ANO3: variants seen among roughly 807,000 people sequenced by gnomAD.
The protein encoded by ANO3 is anoctamin 3.
In ANO3, 99 loss-of-function variants were observed where a neutral mutation model predicts 144.8. The observed-to-expected ratio is 0.68, with a 90% CI of 0.58 to 0.81. ANO3 has a LOEUF of 0.81. Among genes scored for constraint, ANO3 ranks in the 30% least tolerant of loss-of-function variants. ANO3 has a pLI of 0.00. For missense variants in ANO3, 905 were observed against 1,202.2 expected, an observed-to-expected ratio of 0.75 and a Z score of 3.66; for synonymous variants, 414 against 392.6, an observed-to-expected ratio of 1.05 and a Z score of -0.64.
At chr11:26,388,242 C>T (rs1450457093) in intron 1 of ANO3, among the ~76,000 whole-genome samples, 2 of 151,556 alleles carry the variant, frequency 1.3e-5, no homozygotes, top group Non-Finnish European at 2.9e-5. Context: ...TAACCAGAAT[C>T]TAGTAATACT....
At chr11:26,531,573 G>A (rs975987176) in intron 8 of ANO3, among the ~76,000 whole-genome samples, 1 of 152,078 alleles carries the variant, frequency 6.6e-6, no homozygotes, top group African/African-American at 2.4e-5. Flanking sequence ...CTATGGACTG[G>A]TAGTCTAGTT....
At chr11:26,501,110 T>C (rs1861178354) in intron 4 of ANO3, among the ~76,000 whole-genome samples, 1 of 152,038 alleles carries the variant, frequency 6.6e-6, no homozygotes, top group Non-Finnish European at 1.5e-5. Context: ...TAGGATAGGA[T>C]TAAGAAAAAC....
intron 4 of ANO3, among the ~76,000 whole-genome samples, chr11:26,483,356 A>T (rs114377498): frequency 0.01 from 1,595 of 152,262 alleles, 32 homozygotes; most frequent in African/African-American, 0.037. Context: ...CCCAAATCGC[A>T]TGTTGAAATG....
At chr11:26,223,990 G>T (rs1166539615) in intron 1 of ANO3, among the ~76,000 whole-genome samples, 1 of 152,134 alleles carries the variant, frequency 6.6e-6, no homozygotes, top group Admixed American at 6.5e-5. Context: ...ATTTGGAGGA[G>T]ACACACACCT....
At chr11:26,534,283 A>T (rs955312998) in intron 8 of ANO3, among the ~76,000 whole-genome samples, 173 bp from the exon 9 acceptor site, 1 of 152,208 alleles carries the variant, frequency 6.6e-6, no homozygotes, top group Non-Finnish European at 1.5e-5. Flanking sequence ...TGAACATTTG[A>T]TAATGCCTTG....
chr11:26,619,264 TC>T (rs1852345597), intron 17 of ANO3, among the ~76,000 whole-genome samples: 1 of 152,160 alleles, frequency 6.6e-6, no homozygotes, highest in African/African-American at 2.4e-5. Context: ...CTATACATTT[TC>T]TAAACATTTC....
chr11:26,419,772 T>A (rs1236390076), intron 1 of ANO3, among the ~76,000 whole-genome samples: 1 of 151,954 alleles, frequency 6.6e-6, no homozygotes, highest in African/African-American at 2.4e-5. Flanking sequence ...TTATTTGGGG[T>A]AGGGTATGTG....
intron 1 of ANO3, among the ~76,000 whole-genome samples, chr11:26,396,149 A>G (rs1330185307): frequency 2.0e-5 from 3 of 152,194 alleles, no homozygotes; most frequent in African/African-American, 7.2e-5. Context: ...GACACTTCTC[A>G]AAAGAAGACA....
intron 4 of ANO3, among the ~76,000 whole-genome samples, chr11:26,495,716 G>A (rs940510675): frequency 1.3e-4 from 20 of 152,164 alleles, no homozygotes; most frequent in African/African-American, 4.8e-4. Context: ...CTGGGTCATG[G>A]AAAGTAATTT....
At chr11:26,423,398 A>G (rs189791914) in intron 1 of ANO3, among the ~76,000 whole-genome samples, 71 of 148,846 alleles carry the variant, frequency 4.8e-4, no homozygotes, top group African/African-American at 1.5e-3. Context: ...AATGCCTGGC[A>G]TAGGGAAATA....
rs750021659 is a variant in ANO3, at chr11:26,508,273, T to C, written c.591+11T>C. ...ATGTTGGAGAAGGAGGTAGGTGCTT[T>C]ACTATTATTAGTTATGTGATAAAAT... is the stretch of plus-strand genomic sequence containing the variant. On this transcript the variant is annotated intron_variant, in intron 5 of 26. Coordinates refer to ENST00000256737, the MANE Select transcript of ANO3 (RefSeq NM_031418.4). 6.3e-7 allele frequency: 1 copy of C among 1,576,524 alleles called. No homozygotes were observed. The highest frequency in any genetic ancestry group is 1.2e-5 in the South Asian group (1 of 83,812).
At chr11:26,278,513 T>G (rs10834936) in intron 1 of ANO3, among the ~76,000 whole-genome samples, 1 of 151,912 alleles carries the variant, frequency 6.6e-6, no homozygotes, top group African/African-American at 2.4e-5. Flanking sequence ...TCCCTCAGAC[T>G]TTACTGTTTA....
chr11:26,532,533 T>C (rs1849400151), intron 8 of ANO3, among the ~76,000 whole-genome samples: 1 of 152,192 alleles, frequency 6.6e-6, no homozygotes, highest in African/African-American at 2.4e-5. Context: ...TTTCTTATTA[T>C]TTACTATGTG....
At chr11:26,315,211 CCTAT>C in intron 1 of ANO3, among the ~76,000 whole-genome samples, 1 of 152,074 alleles carries the variant, frequency 6.6e-6, no homozygotes, top group East Asian at 1.9e-4. Context: ...CCTATTATTT[CCTAT>C]CTAATTATCA....
intron 1 of ANO3, among the ~76,000 whole-genome samples, chr11:26,409,661 A>G (rs1243614888): frequency 6.6e-6 from 1 of 152,006 alleles, no homozygotes; most frequent in Non-Finnish European, 1.5e-5. Context: ...TCAAAATAGA[A>G]ATTACGATGA....
chr11:26,412,901 A>T (rs1857471590), intron 1 of ANO3, among the ~76,000 whole-genome samples: 1 of 150,846 alleles, frequency 6.6e-6, no homozygotes, highest in East Asian at 2.0e-4. Flanking sequence ...TTTACTGTGA[A>T]TTGAATACCT....
At chr11:26,523,365 C>T (rs1043832109) in intron 6 of ANO3, among the ~76,000 whole-genome samples, 2 of 152,168 alleles carry the variant, frequency 1.3e-5, no homozygotes, top group Non-Finnish European at 2.9e-5. Flanking sequence ...AGAAATAAAA[C>T]CTCTCATATC....
intron 4 of ANO3, among the ~76,000 whole-genome samples, chr11:26,484,980 G>A (rs183073629): frequency 8.5e-5 from 13 of 152,322 alleles, no homozygotes; most frequent in African/African-American, 2.9e-4. Context: ...TTTGGAATGG[G>A]TGTGTTTACC....
intron 1 of ANO3, among the ~76,000 whole-genome samples, chr11:26,311,215 C>T (rs899410209): frequency 1.9e-4 from 29 of 152,176 alleles, no homozygotes; most frequent in Admixed American, 5.9e-4. Context: ...GTATTTGGTT[C>T]ATTGACTAAG....
Sources: allele counts gnomAD v4.1 joint callset (sites outside exome capture counted in the v4.1 genomes callset), GRCh38; gene constraint gnomAD v4.1.1; transcripts MANE v1.5; gene names NCBI Gene and HGNC (gene_info 2026-07-23, HGNC 2026-07-21).